MARCHF6: variants seen among roughly 807,000 people sequenced by gnomAD.
MARCHF6 encodes membrane associated ring-CH-type finger 6.
In MARCHF6, 31 loss-of-function variants were observed where a neutral mutation model predicts 133.7. The ratio of observed to expected loss-of-function variants is 0.23; its 90% CI spans 0.17 to 0.31. The LOEUF is 0.31. Ranked by LOEUF, MARCHF6 falls within the 10% of genes least tolerant of loss-of-function variation. The pLI, the probability that MARCHF6 is intolerant of heterozygous loss-of-function variation, is 1.00. For missense variants in MARCHF6, 723 were observed against 1,121.6 expected (o/e 0.64, Z 5.08); for synonymous variants, 395 against 402.5 (o/e 0.98, Z 0.22).
At chr5:10,431,646 TGTGTGA>T (rs1000655027) in intron 25 of MARCHF6, among the ~76,000 whole-genome samples, 6 of 151,386 alleles carry the variant, frequency 4.0e-5, no homozygotes, top group African/African-American at 1.2e-4. Flanking sequence ...TGTGTGTGTG[TGTGTGA>T]GAGTGTATGT....
intron 22 of MARCHF6, among the ~76,000 whole-genome samples, chr5:10,419,772 G>T (rs1739734832): frequency 1.3e-5 from 2 of 152,194 alleles, no homozygotes; most frequent in African/African-American, 4.8e-5. Flanking sequence ...TCAGTCTTCA[G>T]TTGCTATTGC....
intron 21 of MARCHF6, among the ~76,000 whole-genome samples, chr5:10,416,851 A>C (rs1273932794): frequency 2.0e-5 from 3 of 152,192 alleles, no homozygotes; most frequent in African/African-American, 7.2e-5. Flanking sequence ...CAGTATGGTA[A>C]GTTCTATTGG....
In MARCHF6 at chr5:10,390,474, A is replaced by C. The variant is rs1333933084; in HGVS notation, c.550A>C (p.Asn184His). The change falls in exon 6 of 26, where the codon AAT (asparagine) becomes CAT (histidine). Residue 184 changes from asparagine to histidine, a missense_variant. By Grantham distance (68) the Asn-to-His change is moderately conservative. Transcript: ENST00000274140. ...GTTGGAGCATGCTGCCCCACCGTTCAATGCTGCGGGGCATCACCAAAATGA... is the reference window on the plus strand; with the variant it reads ...GTTGGAGCATGCTGCCCCACCGTTCCATGCTGCGGGGCATCACCAAAATGA... ...IWLEHAAPPFNAAGHHQNEAP... is the reference protein window; with the variant it reads ...IWLEHAAPPFHAAGHHQNEAP... 49 of 1,613,800 alleles carry C rather than the reference A, an allele frequency of 3.0e-5. No homozygotes were observed. Among genetic ancestry groups the C allele is most frequent in the Non-Finnish European group, 4.1e-5 (48 of 1,179,962 alleles).
chr5:10,401,456 C>G (rs1489045581), intron 11 of MARCHF6: 2 of 153,356 alleles, frequency 1.3e-5, no homozygotes, highest in African/African-American at 4.8e-5. Flanking sequence ...CTGATTCTCA[C>G]TAGTTGAATG....
rs1339912502 is a variant in MARCHF6, at chr5:10,440,198, G to A, written c.*6514G>A. Reference sequence around the variant, plus strand: ...AGAACAATTCCCTGGCAAATATTTGGTACTCAATAGTAATGCTAAGTTAGT... The same window carrying A: ...AGAACAATTCCCTGGCAAATATTTGATACTCAATAGTAATGCTAAGTTAGT... On this transcript the variant is annotated 3_prime_UTR_variant, in exon 26 of 26. Transcript: ENST00000274140. 6 of 152,066 alleles carry A rather than the reference G, an allele frequency of 3.9e-5. No homozygotes were observed. Among genetic ancestry groups the A allele is most frequent in the African/African-American group, 1.4e-4 (6 of 41,390 alleles). The allele number at this position is 152,066 out of a possible 1,614,324, so 9.4% of individuals were successfully genotyped here.
chr5:10,368,449 G>A (rs1231341021), intron 1 of MARCHF6, among the ~76,000 whole-genome samples: 1 of 152,236 alleles, frequency 6.6e-6, no homozygotes, highest in East Asian at 1.9e-4. Flanking sequence ...ACTGGGCAAC[G>A]TGGTGATAGA....
At chr5:10,362,671 A>G (rs1436205982) in intron 1 of MARCHF6, among the ~76,000 whole-genome samples, 1 of 152,234 alleles carries the variant, frequency 6.6e-6, no homozygotes, top group East Asian at 1.9e-4. Context: ...TGGTTAGTGT[A>G]TATAAAAACT....
intron 22 of MARCHF6, among the ~76,000 whole-genome samples, chr5:10,418,006 C>T (rs1239352805): frequency 6.6e-6 from 1 of 152,080 alleles, no homozygotes; most frequent in Non-Finnish European, 1.5e-5. Context: ...GGTGAATTGT[C>T]TTACTCCTTT....
At chr5:10,372,640 C>A (rs1736539705) in intron 1 of MARCHF6, among the ~76,000 whole-genome samples, 1 of 152,056 alleles carries the variant, frequency 6.6e-6, no homozygotes. Flanking sequence ...CCTTGAAGAA[C>A]AATTTTGGAA....
intron 4 of MARCHF6, 171 bp from the exon 5 acceptor site, chr5:10,386,823 G>A: frequency 1.9e-6 from 1 of 538,054 alleles, no homozygotes; most frequent in East Asian, 2.9e-5. Context: ...CACTATATTT[G>A]TGCTTGACTG....
At chr5:10,364,870 C>A (rs1561097137) in intron 1 of MARCHF6, among the ~76,000 whole-genome samples, 1 of 152,158 alleles carries the variant, frequency 6.6e-6, no homozygotes, top group Non-Finnish European at 1.5e-5. Flanking sequence ...ATGGTGCGAT[C>A]TTGGCTGACT....
chr5:10,353,849 C>A lies in MARCHF6; in HGVS notation c.-50C>A, dbSNP rs1438596017. 6.5e-7 allele frequency: 1 copy of A among 1,539,698 alleles called. No individual in the cohort carries two copies. ...CTCCTCTCCCCTCCCTCTTTCCCCG[C>A]CCGGCCGCGGGAGCCTCGTGGCTGC... On this transcript the variant is annotated 5_prime_UTR_variant, in exon 1 of 26. Coordinates refer to ENST00000274140, the MANE Select transcript of MARCHF6 (RefSeq NM_005885.4).
rs371111976 is a variant in MARCHF6, at chr5:10,375,503, C to T, written c.20-2295C>T. Among the ~76,000 whole-genome samples, 32 of 152,390 alleles carry T rather than the reference C, an allele frequency of 2.1e-4. No individual in the cohort carries two copies. The South Asian group carries it at 2.3e-3, about 11-fold the overall frequency. The stretch of plus-strand genomic sequence containing the variant: ...ACGAGCACCACCCTCTGCTCCACGG[C>T]GCCCAGTCCCATCGACCACCCAAGG... On this transcript the variant is annotated intron_variant, in intron 1 of 25. Transcript: ENST00000274140.
At chr5:10,397,425 ATTATTTTT>A in intron 10 of MARCHF6, 81 bp downstream of exon 10, 4 of 1,056,516 alleles carry the variant, frequency 3.8e-6, no homozygotes, top group Non-Finnish European at 5.5e-6. Flanking sequence ...TAGGTTTATT[ATTATTTTT>A]TAACATAGAA....
chr5:10,429,722 A>T (rs1275810914), intron 24 of MARCHF6, among the ~76,000 whole-genome samples, 171 bp from the exon 25 acceptor site: 1 of 151,984 alleles, frequency 6.6e-6, no homozygotes, highest in African/African-American at 2.4e-5. Context: ...CAAATGAGAA[A>T]GTTGGGGGTC....
At chr5:10,423,610 A>G in intron 22 of MARCHF6, 125 bp from the exon 23 acceptor site, 1 of 506,230 alleles carries the variant, frequency 2.0e-6, no homozygotes, top group Non-Finnish European at 3.3e-6. Context: ...CTTTTGTAAA[A>G]TTGTTGCCAA....
chr5:10,401,116 C>G, intron 11 of MARCHF6: 1 of 360,800 alleles, frequency 2.8e-6, no homozygotes, highest in South Asian at 4.5e-5. Flanking sequence ...GATTTTCTGT[C>G]CATCTCAAGA....
intron 1 of MARCHF6, among the ~76,000 whole-genome samples, chr5:10,358,748 T>C (rs1235664087): frequency 6.6e-6 from 1 of 152,108 alleles, no homozygotes; most frequent in Non-Finnish European, 1.5e-5. Flanking sequence ...CTAGAAATAG[T>C]GAGAAAGTTA....
At chr5:10,427,794 A>G (rs1439954406) in intron 24 of MARCHF6, among the ~76,000 whole-genome samples, 2 of 152,152 alleles carry the variant, frequency 1.3e-5, no homozygotes, top group East Asian at 1.9e-4. Flanking sequence ...CTTCTTAGAC[A>G]GTAAAGATAT....
Sources: gnomAD v4.1 joint callset for allele counts (sites outside exome capture counted in the v4.1 genomes callset) on GRCh38, gnomAD v4.1.1 for gene constraint, MANE v1.5 for transcripts, NCBI Gene and HGNC (gene_info 2026-07-23, HGNC 2026-07-21) for gene names.